The following KIAA1217 variants were observed in gnomAD, a reference collection of about 807,000 sequenced individuals.
The protein encoded by KIAA1217 is KIAA1217.
In KIAA1217, 88 loss-of-function variants were observed where a neutral mutation model predicts 163.9. That is an observed-to-expected ratio of 0.54 (90% confidence interval 0.45 to 0.64). The LOEUF is 0.64. Ranked by LOEUF, KIAA1217 falls within the 30% of genes least tolerant of loss-of-function variation. The pLI, the probability that KIAA1217 is intolerant of heterozygous loss-of-function variation, is 0.00. For missense variants in KIAA1217, 2,372 were observed against 2,475.0 expected, an observed-to-expected ratio of 0.96 and a Z score of 0.88; for synonymous variants, 903 against 923.1, an observed-to-expected ratio of 0.98 and a Z score of 0.39.
chr10:24,370,947 G>A (rs964183634), intron 2 of KIAA1217, among the ~76,000 whole-genome samples: 3 of 152,302 alleles, frequency 2.0e-5, no homozygotes, highest in Admixed American at 6.5e-5. Flanking sequence ...TTGCATGAAC[G>A]TATTTCTGAA....
At chr10:24,046,995 C>T (rs1289431424) in intron 2 of KIAA1217, among the ~76,000 whole-genome samples, 1 of 152,196 alleles carries the variant, frequency 6.6e-6, no homozygotes, top group Non-Finnish European at 1.5e-5. Context: ...TCAGAATAAG[C>T]TCTTCTGCTT....
At chr10:23,912,003 G>A (rs947820645) in intron 1 of KIAA1217, among the ~76,000 whole-genome samples, 3 of 152,260 alleles carry the variant, frequency 2.0e-5, no homozygotes, top group Admixed American at 1.3e-4. Flanking sequence ...AGCTTACTAG[G>A]AGGTGTAGCT....
chr10:23,966,428 AC>A (rs1468939954), intron 1 of KIAA1217, among the ~76,000 whole-genome samples: 1 of 152,150 alleles, frequency 6.6e-6, no homozygotes, highest in African/African-American at 2.4e-5. Context: ...GGGTCCACAT[AC>A]CAACCCACCA....
intron 2 of KIAA1217, among the ~76,000 whole-genome samples, chr10:24,308,939 A>G (rs2042305648): frequency 6.6e-6 from 1 of 152,050 alleles, no homozygotes; most frequent in African/African-American, 2.4e-5. Context: ...CCTGGCCAAC[A>G]TGGTGAAATG....
intron 2 of KIAA1217, among the ~76,000 whole-genome samples, chr10:24,115,926 G>T (rs901529868): frequency 6.6e-6 from 1 of 152,120 alleles, no homozygotes; most frequent in Non-Finnish European, 1.5e-5. Context: ...GTCTCAGTCC[G>T]ACCAGCTTGC....
intron 1 of KIAA1217, among the ~76,000 whole-genome samples, chr10:23,805,301 T>G (rs1267479570): frequency 6.6e-6 from 1 of 151,922 alleles, no homozygotes; most frequent in Non-Finnish European, 1.5e-5. Flanking sequence ...ATAAAGAAAA[T>G]TTCTTACAAA....
rs1037591130 is a variant in KIAA1217, at chr10:23,769,437, A to C, written c.-321+74203A>C. On this transcript the variant is annotated intron_variant, in intron 1 of 18. Coordinates refer to the KIAA1217 transcript ENST00000376462. Reference sequence around the variant, plus strand: ...TCAGAATCTTGTAGCCTCCGGCTTCATGACTCCTAAACCATAATTTCTAAC... The same window carrying C: ...TCAGAATCTTGTAGCCTCCGGCTTCCTGACTCCTAAACCATAATTTCTAAC... Among the ~76,000 whole-genome samples, 7 of 152,330 alleles carry C rather than the reference A, an allele frequency of 4.6e-5. No individual in the cohort carries two copies. The South Asian group carries it at 6.2e-4, about 14-fold the overall frequency.
chr10:23,993,063 A>C (rs1589200997), intron 1 of KIAA1217, among the ~76,000 whole-genome samples: 2 of 109,248 alleles, frequency 1.8e-5, no homozygotes, highest in Admixed American at 1.3e-4. Context: ...ATGGAGTCTT[A>C]CTCTGTTGCC....
rs150339500 is a variant in KIAA1217, at chr10:23,883,393, T to C, written c.-320-123832T>C. Among the ~76,000 whole-genome samples, 739 of 151,966 alleles carry C rather than the reference T, an allele frequency of 4.9e-3. 12 individuals carry two copies. Among genetic ancestry groups the C allele is most frequent in the African/African-American group, 0.017 (705 of 41,506 alleles). On this transcript the variant is annotated intron_variant, in intron 1 of 18. Coordinates refer to the KIAA1217 transcript ENST00000376462. ...GCCTCTTGCTTAAAAAAAGGAAATG[T>C]AAAAAAATCTTCACACCTCAGAGTT...
chr10:24,296,295 T>G (rs2040601314), intron 2 of KIAA1217, among the ~76,000 whole-genome samples: 1 of 151,996 alleles, frequency 6.6e-6, no homozygotes, highest in Admixed American at 6.6e-5. Context: ...TGTAGAGAGG[T>G]GTCTCCATGT....
At chr10:24,224,342 T>TC (rs1226008175) in intron 2 of KIAA1217, among the ~76,000 whole-genome samples, 1 of 151,678 alleles carries the variant, frequency 6.6e-6, no homozygotes, top group African/African-American at 2.4e-5. Context: ...CTTTTTTCTT[T>TC]CTTTTTTTTT....
intron 1 of KIAA1217, among the ~76,000 whole-genome samples, chr10:23,737,839 AT>A (rs548641953): frequency 3.1e-4 from 47 of 151,700 alleles, no homozygotes; most frequent in Admixed American, 9.2e-4. Context: ...AAATGTCTCT[AT>A]TTTTTGGATT....
Position 24,312,663 on chromosome 10 carries a change from T to C in KIAA1217, c.355-68206T>C, listed in dbSNP as rs538522297. 5.9e-5 allele frequency among the ~76,000 whole-genome samples: 9 copies of C among 151,736 alleles called. No individual in the cohort carries two copies. The South Asian group carries it at 1.7e-3, about 28-fold the overall frequency. On this transcript the variant is annotated intron_variant, in intron 2 of 20. Coordinates refer to ENST00000376454, the MANE Select transcript of KIAA1217 (RefSeq NM_019590.5). ...TGGGCATGGCGGCTCATGTCTGTAA[T>C]CCCAACATTTTGGGAGGATGAGAGG...
chr10:24,155,462 C>A (rs2064830910), intron 2 of KIAA1217, among the ~76,000 whole-genome samples: 1 of 152,068 alleles, frequency 6.6e-6, no homozygotes, highest in Admixed American at 6.5e-5. Flanking sequence ...AATGACACAG[C>A]AAATCAATGG....
chr10:24,338,167 A>G (rs769364524), intron 2 of KIAA1217, among the ~76,000 whole-genome samples: 23 of 152,242 alleles, frequency 1.5e-4, no homozygotes, highest in African/African-American at 4.3e-4. Context: ...TTATGTCCCA[A>G]TGTGGATGAT....
At chr10:24,133,958 G>A (rs141315975) in intron 2 of KIAA1217, among the ~76,000 whole-genome samples, 1 of 152,364 alleles carries the variant, frequency 6.6e-6, no homozygotes, top group Non-Finnish European at 1.5e-5. Context: ...ATCAGGCTTA[G>A]AGGAACAATG....
intron 1 of KIAA1217, among the ~76,000 whole-genome samples, chr10:23,862,893 TTCTTCTTCTTTATTC>T (rs1272384191): frequency 6.6e-6 from 1 of 152,158 alleles, no homozygotes; most frequent in Non-Finnish European, 1.5e-5. Flanking sequence ...TATTTACCAT[TTCTTCTTCTTTATTC>T]TTTGCTCTGA....
At chr10:24,465,810 A>C (rs2062881814) in intron 5 of KIAA1217, among the ~76,000 whole-genome samples, 1 of 152,152 alleles carries the variant, frequency 6.6e-6, no homozygotes, top group Admixed American at 6.5e-5. Context: ...TTGTAGCCAG[A>C]GGTCTCTGGG....
intron 2 of KIAA1217, among the ~76,000 whole-genome samples, chr10:24,018,661 A>C (rs548106296): frequency 1.1e-4 from 17 of 152,138 alleles, no homozygotes; most frequent in African/African-American, 3.4e-4. Flanking sequence ...TTCCTCAAAA[A>C]ACTAAACTTA....
Sources: gnomAD v4.1 joint callset for allele counts (sites outside exome capture counted in the v4.1 genomes callset) on GRCh38, gnomAD v4.1.1 for gene constraint, MANE v1.5 for transcripts, NCBI Gene and HGNC (gene_info 2026-07-23, HGNC 2026-07-21) for gene names.